WWOX: variants seen among roughly 807,000 people sequenced by gnomAD.
WWOX encodes WW domain-containing oxidoreductase.
WWOX carries 69 observed loss-of-function variants against 46.2 expected under a neutral mutation model. The observed-to-expected ratio is 1.49, with a 90% CI of 1.23 to 1.82. The LOEUF (loss-of-function observed/expected upper bound fraction) is 1.82. Ranked by LOEUF, WWOX falls within the 40% of genes most tolerant of loss-of-function variation. The pLI, the probability that WWOX is intolerant of heterozygous loss-of-function variation, is 0.00. For missense variants in WWOX, 919 were observed against 542.6 expected (o/e 1.69, Z -6.89); for synonymous variants, 359 against 202.6 (o/e 1.77, Z -6.56).
intron 8 of WWOX, among the ~76,000 whole-genome samples, chr16:78,760,647 A>G (rs2049769050): frequency 1.3e-5 from 2 of 152,190 alleles, no homozygotes; most frequent in Admixed American, 6.5e-5. Context: ...CTCACAGCCA[A>G]GTCCTACAGT....
At chr16:78,890,829 C>G (rs142489125) in intron 8 of WWOX, 1 of 152,118 alleles carries the variant, frequency 6.6e-6, no homozygotes, top group African/African-American at 2.4e-5. Context: ...CATGTTTTGT[C>G]AATATTTAGT....
intron 8 of WWOX, among the ~76,000 whole-genome samples, chr16:78,739,405 T>C (rs1413893906): frequency 6.6e-6 from 1 of 152,166 alleles, no homozygotes; most frequent in East Asian, 1.9e-4. Context: ...TTGGATGTCA[T>C]GTGCTTTCAG....
At chr16:78,465,171 A>G (rs2084044964) in intron 8 of WWOX, among the ~76,000 whole-genome samples, 1 of 152,224 alleles carries the variant, frequency 6.6e-6, no homozygotes, top group Non-Finnish European at 1.5e-5. Context: ...TGGGAACTAC[A>G]GTTCAAGATG....
intron 8 of WWOX, among the ~76,000 whole-genome samples, chr16:78,815,115 A>C (rs1352063072): frequency 1.3e-5 from 2 of 152,190 alleles, no homozygotes; most frequent in Non-Finnish European, 2.9e-5. Context: ...GTCTGAGGTC[A>C]GGAGTTTGAA....
intron 6 of WWOX, among the ~76,000 whole-genome samples, chr16:78,400,071 C>A (rs1346443147): frequency 6.6e-6 from 1 of 152,050 alleles, no homozygotes; most frequent in African/African-American, 2.4e-5. Context: ...TATTGCATAC[C>A]TTGTCATTCA....
At chr16:78,733,276 G>T (rs2142389984) in intron 8 of WWOX, among the ~76,000 whole-genome samples, 1 of 152,224 alleles carries the variant, frequency 6.6e-6, no homozygotes, top group South Asian at 2.1e-4. Flanking sequence ...GCAACATAGG[G>T]AGATCACTGT....
intron 8 of WWOX, among the ~76,000 whole-genome samples, chr16:79,156,640 C>T (rs540958691): frequency 3.3e-5 from 5 of 152,024 alleles, no homozygotes; most frequent in Non-Finnish European, 5.9e-5. Flanking sequence ...CAGCTGTTAT[C>T]TTCCAGAAAC....
At chr16:79,144,981 A>G (rs1418204380) in intron 8 of WWOX, among the ~76,000 whole-genome samples, 1 of 152,174 alleles carries the variant, frequency 6.6e-6, no homozygotes, top group Non-Finnish European at 1.5e-5. Flanking sequence ...GGCTTTAGGC[A>G]TCTACTGGGG....
At chr16:79,136,731 T>A (rs2049988506) in intron 8 of WWOX, among the ~76,000 whole-genome samples, 1 of 152,198 alleles carries the variant, frequency 6.6e-6, no homozygotes, top group Non-Finnish European at 1.5e-5. Flanking sequence ...TGGCTAAGCC[T>A]CAGCTTCCTG....
intron 8 of WWOX, among the ~76,000 whole-genome samples, chr16:78,872,033 A>G (rs1350809267): frequency 6.6e-6 from 1 of 152,228 alleles, no homozygotes; most frequent in Non-Finnish European, 1.5e-5. Context: ...TCTCTAGTCT[A>G]GGGCACAAAA....
chr16:78,439,075 C>G (rs1375475586), intron 8 of WWOX, among the ~76,000 whole-genome samples: 1 of 152,204 alleles, frequency 6.6e-6, no homozygotes, highest in African/African-American at 2.4e-5. Flanking sequence ...GCTGACTACA[C>G]TATAGATACT....
At chr16:78,248,095 C>T (rs562744057) in intron 5 of WWOX, among the ~76,000 whole-genome samples, 1 of 152,224 alleles carries the variant, frequency 6.6e-6, no homozygotes, top group South Asian at 2.1e-4. Context: ...TCTTGCACTG[C>T]TATAAAGAAA....
At chr16:78,710,508 A>ATATATTTTATATTTAAAAATATT (rs1434123082) in intron 8 of WWOX, among the ~76,000 whole-genome samples, 25 of 138,304 alleles carry the variant, frequency 1.8e-4, no homozygotes, top group African/African-American at 6.3e-4. Flanking sequence ...ATTTATATAA[A>ATATATTTTATATTTAAAAATATT]TATATTTTAT....
chr16:78,655,735 G>C (rs1351484842), intron 8 of WWOX, among the ~76,000 whole-genome samples: 2 of 152,114 alleles, frequency 1.3e-5, no homozygotes. Context: ...TCCTATTATA[G>C]AATTTTCTGA....
At chr16:78,577,124 C>G (rs946286887) in intron 8 of WWOX, among the ~76,000 whole-genome samples, 1 of 152,098 alleles carries the variant, frequency 6.6e-6, no homozygotes, top group Admixed American at 6.6e-5. Context: ...AAATTAGTCA[C>G]CAGTGTCTCA....
At chr16:78,722,287 T>C (rs2048711669) in intron 8 of WWOX, among the ~76,000 whole-genome samples, 1 of 152,208 alleles carries the variant, frequency 6.6e-6, no homozygotes, top group African/African-American at 2.4e-5. Flanking sequence ...CTTACCAGTT[T>C]TCTCAAGTGA....
intron 8 of WWOX, among the ~76,000 whole-genome samples, chr16:78,715,891 G>T (rs565539023): frequency 6.6e-6 from 1 of 152,180 alleles, no homozygotes; most frequent in African/African-American, 2.4e-5. Context: ...TGCAAGGAAT[G>T]CTGGGATACG....
intron 8 of WWOX, among the ~76,000 whole-genome samples, chr16:78,678,499 G>C (rs551937227): frequency 6.6e-6 from 1 of 152,208 alleles, no homozygotes; most frequent in Non-Finnish European, 1.5e-5. Context: ...GCCACGTGCT[G>C]GTTGCAACCT....
At chr16:78,742,191 A>G (rs2142419743) in intron 8 of WWOX, among the ~76,000 whole-genome samples, 1 of 152,350 alleles carries the variant, frequency 6.6e-6, no homozygotes, top group South Asian at 2.1e-4. Context: ...TTGTCGATAA[A>G]TCAGTGTACA....
Sources: gnomAD v4.1 joint callset for allele counts (sites outside exome capture counted in the v4.1 genomes callset) on GRCh38, gnomAD v4.1.1 for gene constraint, MANE v1.5 for transcripts, NCBI Gene and HGNC (gene_info 2026-07-23, HGNC 2026-07-21) for gene names.